Variants in OSMR observed in about 807,000 individuals in gnomAD.
OSMR encodes oncostatin M receptor.
A neutral mutation model predicts 99.9 loss-of-function variants in OSMR; 81 were observed. The observed-to-expected ratio is 0.81, with a 90% CI of 0.68 to 0.97. The LOEUF is 0.97. OSMR is among the 50% of genes least tolerant of loss of function. The pLI is 0.00. For synonymous variants in OSMR, 406 were observed against 410.4 expected (o/e 0.99, Z 0.13); for missense variants, 1,099 against 1,153.4 (o/e 0.95, Z 0.68).
chr5:38,924,515 G>C lies in OSMR; in HGVS notation c.1964G>C (p.Gly655Ala). The change falls in exon 14 of 18, where the codon GGT (glycine) becomes GCT (alanine). Residue 655 changes from glycine (G) to alanine (A), a missense_variant. Coordinates refer to ENST00000274276, the MANE Select transcript of OSMR (RefSeq NM_003999.3). ...GATTACTCTACTGAATCTCAACCTG[G>C]TTTTATACAAGGGTACCATGTCTAT... ...WKDYSTESQP[G>A]FIQGYHVYLK... The C allele has an allele frequency of 6.2e-7, 1 of 1,614,140 alleles. No homozygotes were observed. The highest frequency in any genetic ancestry group is 8.5e-7 in the Non-Finnish European group (1 of 1,179,990).
At chr5:38,876,645 C>T (rs1017455610) in intron 3 of OSMR, among the ~76,000 whole-genome samples, 13 of 152,174 alleles carry the variant, frequency 8.5e-5, no homozygotes, top group Non-Finnish European at 1.6e-4. Flanking sequence ...AGTCTGTCCT[C>T]GTGAATACTG....
intron 4 of OSMR, among the ~76,000 whole-genome samples, chr5:38,882,281 T>C (rs1743350076): frequency 6.6e-6 from 1 of 152,126 alleles, no homozygotes; most frequent in African/African-American, 2.4e-5. Context: ...AGAAATTTAT[T>C]TACAGAAACA....
intron 9 of OSMR, among the ~76,000 whole-genome samples, chr5:38,915,942 A>T (rs533467287): frequency 6.6e-6 from 1 of 152,186 alleles, no homozygotes; most frequent in East Asian, 1.9e-4. Context: ...TGGATGTGCT[A>T]TAATTGGGTC....
At chr5:38,849,308 A>G (rs1740166340) in intron 1 of OSMR, among the ~76,000 whole-genome samples, 1 of 152,204 alleles carries the variant, frequency 6.6e-6, no homozygotes, top group African/African-American at 2.4e-5. Context: ...ATGTAACTTA[A>G]TATTTTTGTA....
rs74639591 is a variant in OSMR at position 38,864,940 on chromosome 5, C to G, written c.-13-4092C>G. ...TCTTCCTTCATTTAAGTTCTTCTCT[C>G]TGTCTGTCTGTATCTCTGTCTTTCT... On this transcript the variant is annotated intron_variant, in intron 1 of 17. Coordinates refer to ENST00000274276, the MANE Select transcript of OSMR (RefSeq NM_003999.3). Among the ~76,000 whole-genome samples the G allele has an allele frequency of 3.7e-3, 567 of 152,312 alleles. 3 individuals carry two copies. Among genetic ancestry groups the G allele is most frequent in the Non-Finnish European group, 6.3e-3 (426 of 68,032 alleles).
intron 9 of OSMR, among the ~76,000 whole-genome samples, chr5:38,913,535 G>A (rs183239343): frequency 7.2e-6 from 1 of 138,880 alleles, no homozygotes; most frequent in East Asian, 2.1e-4. Flanking sequence ...GGACGACAGA[G>A]TGAGACTCCA....
chr5:38,921,986 G>T (rs542672632), intron 12 of OSMR, among the ~76,000 whole-genome samples, 192 bp downstream of exon 12: 1 of 152,184 alleles, frequency 6.6e-6, no homozygotes, highest in Non-Finnish European at 1.5e-5. Context: ...ATCTACTTTT[G>T]CAGAGAATAT....
downstream of OSMR, among the ~76,000 whole-genome samples, chr5:38,936,368 TA>T (rs564312102): frequency 5.7e-4 from 86 of 151,868 alleles, no homozygotes; most frequent in South Asian, 1.2e-3. Context: ...AATAATTCCT[TA>T]AAAAAAATCA....
intron 9 of OSMR, among the ~76,000 whole-genome samples, chr5:38,905,403 G>A (rs1406465756): frequency 2.0e-5 from 3 of 152,000 alleles, no homozygotes; most frequent in African/African-American, 4.8e-5. Context: ...GCAGGAGACC[G>A]CTTGAACCTG....
intron 15 of OSMR, among the ~76,000 whole-genome samples, chr5:38,927,649 G>T (rs1255617782): frequency 6.6e-6 from 1 of 152,200 alleles, no homozygotes; most frequent in African/African-American, 2.4e-5. Context: ...CTGTGCCTGT[G>T]ATGGGAGGGG....
chr5:38,890,959 C>T (rs924577058), intron 7 of OSMR, among the ~76,000 whole-genome samples: 8 of 152,142 alleles, frequency 5.3e-5, no homozygotes, highest in African/African-American at 1.9e-4. Context: ...ATTCTATTTG[C>T]TCTTAATCTC....
In OSMR at chr5:38,903,688, T is replaced by G. The variant is rs145170445; in HGVS notation, c.992-194T>G. 7.8e-4 allele frequency: 533 copies of G among 685,498 alleles called. 3 individuals carry two copies. In the African/African-American group the frequency reaches 9.3e-3, roughly 12 times the overall value. 42.5% of individuals were successfully genotyped at this position (685,498 alleles called of 1,614,324 possible). On this transcript the variant is annotated intron_variant, in intron 7 of 17. Transcript: ENST00000274276. Reference sequence around the variant, plus strand: ...TTCTTTTTGTATTTTGTTCAATGCATGCAGTAGAATCATTGAGAGAGAAAG... The same window carrying G: ...TTCTTTTTGTATTTTGTTCAATGCAGGCAGTAGAATCATTGAGAGAGAAAG...
rs139319167 is a variant in OSMR at position 38,893,380 on chromosome 5, A to C, written c.991+7190A>C. 1.9e-3 allele frequency among the ~76,000 whole-genome samples: 295 copies of C among 152,364 alleles called. 1 individual carries two copies. The highest frequency in any genetic ancestry group is 6.8e-3 in the African/African-American group (281 of 41,600). ...GACAGATAAAGAATTTAAGGCATCAATTGTAAGGAGGCTCGAAGAGATCCA... is the reference window on the plus strand; with the variant it reads ...GACAGATAAAGAATTTAAGGCATCACTTGTAAGGAGGCTCGAAGAGATCCA... On this transcript the variant is annotated intron_variant, in intron 7 of 17. Coordinates refer to ENST00000274276, the MANE Select transcript of OSMR (RefSeq NM_003999.3).
At chr5:38,923,508 T>C (rs1746330203) in intron 13 of OSMR, among the ~76,000 whole-genome samples, 1 of 152,248 alleles carries the variant, frequency 6.6e-6, no homozygotes, top group Non-Finnish European at 1.5e-5. Flanking sequence ...TCATTTTAGC[T>C]GAATCTTTGT....
chr5:38,881,508 G>A, intron 3 of OSMR, 85 bp from the exon 4 acceptor site: 2 of 1,612,210 alleles, frequency 1.2e-6, no homozygotes, highest in South Asian at 1.1e-5. Context: ...GGGGTCTTAG[G>A]TTTGTGCTTT....
intron 9 of OSMR, among the ~76,000 whole-genome samples, chr5:38,907,806 A>G (rs929555689): frequency 6.6e-6 from 1 of 152,156 alleles, no homozygotes; most frequent in Non-Finnish European, 1.5e-5. Flanking sequence ...GCACTTGTCC[A>G]TGGTCACCCC....
intron 7 of OSMR, among the ~76,000 whole-genome samples, chr5:38,891,056 G>C (rs1381370385): frequency 6.6e-6 from 1 of 152,176 alleles, no homozygotes; most frequent in Non-Finnish European, 1.5e-5. Flanking sequence ...CACCTTAGTG[G>C]ATTTTAATTG....
In OSMR at chr5:38,886,116, A is replaced by G. The variant is rs917650729; in HGVS notation, c.917A>G (p.Tyr306Cys). The G allele has an allele frequency of 2.5e-6, 4 of 1,613,924 alleles. No individual in the cohort carries two copies. Among genetic ancestry groups the G allele is most frequent in the South Asian group, 2.2e-5 (2 of 91,024 alleles). Residue 306 changes from tyrosine (Y) to cysteine (C), a missense_variant, in exon 7 of 18, where the codon TAT becomes TGT. Tyr to Cys is a radical substitution (Grantham distance 194, BLOSUM62 -2). Coordinates refer to ENST00000274276, the MANE Select transcript of OSMR (RefSeq NM_003999.3). ...WQITQDSQET[Y>C]NFTLIAENYL... ...ATAACTCAAGACTCACAAGAAACCT[A>G]TAACTTCACACTCATAGCTGAAAAT... is the stretch of plus-strand genomic sequence containing the variant.
intron 2 of OSMR, among the ~76,000 whole-genome samples, chr5:38,875,365 A>G (rs1335951659): frequency 1.3e-5 from 2 of 152,196 alleles, no homozygotes; most frequent in African/African-American, 2.4e-5. Flanking sequence ...CTTAGTCAGG[A>G]CACATTCTCT....
Sources: gnomAD v4.1 joint callset for allele counts (sites outside exome capture counted in the v4.1 genomes callset) on GRCh38, gnomAD v4.1.1 for gene constraint, MANE v1.5 for transcripts, NCBI Gene and HGNC (gene_info 2026-07-23, HGNC 2026-07-21) for gene names.